UHRF2: variants seen among roughly 807,000 people sequenced by gnomAD.
UHRF2 encodes E3 ubiquitin-protein ligase UHRF2.
A neutral mutation model predicts 96.8 loss-of-function variants in UHRF2; 23 were observed. The observed-to-expected ratio is 0.24, with a 90% CI of 0.17 to 0.34. The LOEUF (loss-of-function observed/expected upper bound fraction) is 0.34, where lower values mean the gene tolerates loss of function less well. Ranked by LOEUF, UHRF2 falls within the 10% of genes least tolerant of loss-of-function variation. The pLI is 1.00. For missense variants in UHRF2, 685 were observed against 981.5 expected (o/e 0.70, Z 4.04); for synonymous variants, 385 against 332.6 (o/e 1.16, Z -1.72).
intron 3 of UHRF2, among the ~76,000 whole-genome samples, chr9:6,445,271 T>G (rs1344863335): frequency 2.0e-5 from 3 of 146,926 alleles, no homozygotes; most frequent in Non-Finnish European, 4.4e-5. Context: ...ATTTATGTAT[T>G]GATTGATTGA....
intron 3 of UHRF2, among the ~76,000 whole-genome samples, chr9:6,437,708 C>G (rs952233109): frequency 6.6e-6 from 1 of 152,120 alleles, no homozygotes; most frequent in East Asian, 1.9e-4. Context: ...ACCTCCACTT[C>G]CTGGTTTCAA....
At chr9:6,458,333 G>A (rs1822308216) in intron 3 of UHRF2, among the ~76,000 whole-genome samples, 1 of 152,062 alleles carries the variant, frequency 6.6e-6, no homozygotes, top group South Asian at 2.1e-4. Flanking sequence ...GGGATCAGTG[G>A]TGATATCCCC....
chr9:6,464,877 G>T (rs1421119576), intron 4 of UHRF2, among the ~76,000 whole-genome samples: 1 of 151,898 alleles, frequency 6.6e-6, no homozygotes, highest in Non-Finnish European at 1.5e-5. Context: ...ACTTCCATTT[G>T]AATTTTGCAG....
intron 14 of UHRF2, among the ~76,000 whole-genome samples, chr9:6,501,732 A>G (rs904397994): frequency 4.6e-5 from 7 of 152,212 alleles, no homozygotes. Context: ...TAGCCAAGAC[A>G]CCCAGGCGTA....
intron 1 of UHRF2, among the ~76,000 whole-genome samples, chr9:6,419,098 T>G (rs956210502): frequency 2.0e-5 from 3 of 152,082 alleles, no homozygotes; most frequent in African/African-American, 7.3e-5. Context: ...CTTAATTACC[T>G]CTCTAAAGAC....
At chr9:6,446,231 A>C (rs1587805121) in intron 3 of UHRF2, among the ~76,000 whole-genome samples, 1 of 151,392 alleles carries the variant, frequency 6.6e-6, no homozygotes, top group African/African-American at 2.4e-5. Context: ...CCTCACTGCA[A>C]CCTCCGCCTC....
At chr9:6,505,277 A>G (rs570513318) in intron 15 of UHRF2, among the ~76,000 whole-genome samples, 4 of 152,112 alleles carry the variant, frequency 2.6e-5, no homozygotes, top group African/African-American at 9.6e-5. Flanking sequence ...AAATATATAT[A>G]TATGCGTGTG....
At chr9:6,463,011 G>A (rs1313559229) in intron 4 of UHRF2, among the ~76,000 whole-genome samples, 2 of 152,148 alleles carry the variant, frequency 1.3e-5, no homozygotes, top group African/African-American at 4.8e-5. Context: ...GCCAGGTGCC[G>A]TGGCTCACGC....
At chr9:6,493,295 T>G (rs13301146) in intron 9 of UHRF2, among the ~76,000 whole-genome samples, 1 of 147,778 alleles carries the variant, frequency 6.8e-6, no homozygotes, top group East Asian at 1.9e-4. Context: ...AAGACTCTGT[T>G]TAAAAAAAAA....
intron 3 of UHRF2, among the ~76,000 whole-genome samples, chr9:6,443,864 CTT>C (rs946036233): frequency 6.6e-6 from 1 of 152,196 alleles, no homozygotes; most frequent in Non-Finnish European, 1.5e-5. Flanking sequence ...AATATGTTGT[CTT>C]TGCTCCCAGC....
intron 2 of UHRF2, among the ~76,000 whole-genome samples, chr9:6,431,717 T>C (rs1820572625): frequency 1.3e-5 from 2 of 152,244 alleles, no homozygotes; most frequent in African/African-American, 2.4e-5. Flanking sequence ...TAGGTGTCTG[T>C]TAACTTTAGT....
intron 9 of UHRF2, among the ~76,000 whole-genome samples, chr9:6,491,723 A>C (rs1200159206): frequency 2.6e-5 from 4 of 152,132 alleles, no homozygotes; most frequent in African/African-American, 9.7e-5. Flanking sequence ...TAACTGAAGA[A>C]CTGAGTTACT....
intron 4 of UHRF2, among the ~76,000 whole-genome samples, chr9:6,469,979 T>A (rs1823142413): frequency 6.6e-6 from 1 of 152,086 alleles, no homozygotes; most frequent in Admixed American, 6.5e-5. Context: ...CAAACAAGAA[T>A]GCTAAAAACT....
chr9:6,417,405 A>T (rs151036770), intron 1 of UHRF2, among the ~76,000 whole-genome samples: 44 of 152,260 alleles, frequency 2.9e-4, no homozygotes, highest in African/African-American at 1.1e-3. Context: ...TGACTCACAG[A>T]TGTTTGTGAT....
chr9:6,500,974 C>T (rs1470069996), intron 14 of UHRF2, among the ~76,000 whole-genome samples: 1 of 152,268 alleles, frequency 6.6e-6, no homozygotes, highest in East Asian at 1.9e-4. Context: ...GAAGAATTTT[C>T]AGTTTGTGAA....
At chr9:6,481,188 C>T (rs2130908909) in intron 6 of UHRF2, among the ~76,000 whole-genome samples, 1 of 152,320 alleles carries the variant, frequency 6.6e-6, no homozygotes, top group East Asian at 1.9e-4. Flanking sequence ...TATAAACAAA[C>T]ATCCTTGAAG....
At chr9:6,437,799 G>T (rs1033946568) in intron 3 of UHRF2, among the ~76,000 whole-genome samples, 2 of 152,046 alleles carry the variant, frequency 1.3e-5, no homozygotes, top group African/African-American at 4.8e-5. Context: ...TGTATTTTTA[G>T]TTGAGACTGG....
intron 3 of UHRF2, among the ~76,000 whole-genome samples, chr9:6,458,605 C>T (rs961458892): frequency 4.6e-5 from 7 of 152,036 alleles, no homozygotes; most frequent in Non-Finnish European, 5.9e-5. Flanking sequence ...GAAATAGGAA[C>T]GCTTTTATAC....
intron 9 of UHRF2, among the ~76,000 whole-genome samples, chr9:6,488,716 A>T (rs1298709101): frequency 6.6e-6 from 1 of 151,092 alleles, no homozygotes; most frequent in East Asian, 1.9e-4. Context: ...TGGCCAGGCT[A>T]GTCTGGAACT....
Sources: allele counts gnomAD v4.1 joint callset (sites outside exome capture counted in the v4.1 genomes callset), GRCh38; gene constraint gnomAD v4.1.1; transcripts MANE v1.5; gene names NCBI Gene and HGNC (gene_info 2026-07-23, HGNC 2026-07-21).